The following CFAP44 variants were observed in gnomAD, a reference collection of about 807,000 sequenced individuals.
CFAP44 encodes cilia- and flagella-associated protein 44.
CFAP44 carries 134 observed loss-of-function variants against 216.2 expected under a neutral mutation model. That is an observed-to-expected ratio of 0.62 (90% CI 0.54 to 0.72). The LOEUF is 0.72. Ranked by LOEUF, CFAP44 falls within the 30% of genes least tolerant of loss-of-function variation. The pLI is 0.00. For missense variants in CFAP44, 2,035 were observed against 2,182.1 expected, an observed-to-expected ratio of 0.93 and a Z score of 1.34; for synonymous variants, 700 against 727.6, an observed-to-expected ratio of 0.96 and a Z score of 0.61.
chr3:113,439,661 A>G (rs1935314441), intron 1 of CFAP44, among the ~76,000 whole-genome samples: 1 of 152,210 alleles, frequency 6.6e-6, no homozygotes, highest in Admixed American at 6.5e-5. Flanking sequence ...TTAGGTTGAC[A>G]GGGTCAACTC....
At chr3:113,355,770 A>T (rs1199760585) in intron 22 of CFAP44, among the ~76,000 whole-genome samples, 2 of 123,818 alleles carry the variant, frequency 1.6e-5, no homozygotes, top group African/African-American at 3.3e-5. Flanking sequence ...TTAAAGTATT[A>T]AAAAAAAAAA....
At chr3:113,394,604 A>T (rs1490403628) in intron 15 of CFAP44, among the ~76,000 whole-genome samples, 1 of 152,192 alleles carries the variant, frequency 6.6e-6, no homozygotes, top group Non-Finnish European at 1.5e-5. Flanking sequence ...CTAAATTCAC[A>T]ACACACATTC....
rs1476676480 is a variant in CFAP44 at position 113,379,348 on chromosome 3, G to C, written c.2256C>G (p.Leu752=). ...TCCCTGGCTCTGAGTAAAATCCACA[G>C]AGGATGGGAGAGGGGGTTGACGGAA... ...IFIPSTPSPI[L]CGFYSEPGKF... Residue 752 remains leucine, a synonymous_variant, in exon 17 of 35, where the codon CTC becomes CTG. Transcript: ENST00000393845. The C allele has an allele frequency of 6.2e-7, 1 of 1,609,060 alleles. No homozygotes were observed.
In CFAP44 at chr3:113,286,930, G is replaced by A. The variant is rs1413012245; in HGVS notation, c.*4627C>T. On this transcript the variant is annotated 3_prime_UTR_variant, in exon 35 of 35. Coordinates refer to ENST00000393845, the MANE Select transcript of CFAP44 (RefSeq NM_001164496.2). ...TTAAAAAAAAAAAGAAGAAAAAAGA[G>A]ACAGAGAAAATTGGTATTTATTTTT... 2.9e-6 allele frequency: 4 copies of A among 1,378,362 alleles called. No homozygotes were observed. Among genetic ancestry groups the A allele is most frequent in the Admixed American group, 2.5e-5 (1 of 40,528 alleles). The allele number at this position is 1,378,362 out of a possible 1,614,324, so 85.4% of individuals were successfully genotyped here.
chr3:113,388,789 T>C (rs1481600927), intron 15 of CFAP44, among the ~76,000 whole-genome samples: 1 of 152,220 alleles, frequency 6.6e-6, no homozygotes. Context: ...AAGGTCATTA[T>C]ATAATGATAA....
chr3:113,308,488 G>C (rs1047562925), intron 28 of CFAP44, among the ~76,000 whole-genome samples: 4 of 152,194 alleles, frequency 2.6e-5, no homozygotes, highest in African/African-American at 9.6e-5. Flanking sequence ...AAGTTCCCAA[G>C]CTGCAGATGT....
At chr3:113,311,886 C>T (rs542509727) in intron 28 of CFAP44, among the ~76,000 whole-genome samples, 1 of 152,226 alleles carries the variant, frequency 6.6e-6, no homozygotes, top group Admixed American at 6.5e-5. Context: ...GCAAAGGAGA[C>T]TTTTGTTAGT....
rs1950004732 is a variant in CFAP44, at chr3:113,308,205, TC to T, written c.4579del (p.Glu1527SerfsTer40). The T allele has an allele frequency of 6.5e-7, 1 of 1,536,466 alleles. No homozygotes were observed. Among genetic ancestry groups the T allele is most frequent in the Non-Finnish European group, 8.7e-7 (1 of 1,146,696 alleles). Reference protein sequence around the residue: ...EESSLESDEDESESEDEVFDD... With the variant: ...EESSLESDEDXSESEDEVFDD... ...AAAAACCTCATCTTCTGATTCAGAC[TC>T]ATCTTCATCACTCTCCAAGCTAGAT... On this transcript the variant is annotated frameshift_variant, in exon 29 of 35. Transcript: ENST00000393845. LOFTEE classifies it high-confidence loss of function.
intron 24 of CFAP44, 115 bp from the exon 25 acceptor site, chr3:113,333,698 A>C: frequency 1.7e-6 from 2 of 1,195,698 alleles, no homozygotes; most frequent in South Asian, 2.2e-5. Flanking sequence ...TATGATTTCA[A>C]ATCTGTGATG....
chr3:113,346,315 T>C (rs1950381334), intron 22 of CFAP44, among the ~76,000 whole-genome samples: 1 of 151,612 alleles, frequency 6.6e-6, no homozygotes, highest in Admixed American at 6.6e-5. Context: ...CAGCGCTCTG[T>C]GTCTAGCTAA....
At chr3:113,296,979 G>A (rs1949887924) in intron 32 of CFAP44, 94 bp from the exon 33 acceptor site, 2 of 1,377,922 alleles carry the variant, frequency 1.5e-6, no homozygotes, top group Non-Finnish European at 2.0e-6. Flanking sequence ...AACTGCTTTT[G>A]CAAGATGATG....
intron 18 of CFAP44, among the ~76,000 whole-genome samples, chr3:113,371,902 CA>C (rs1230043861): frequency 2.6e-5 from 4 of 152,068 alleles, no homozygotes; most frequent in African/African-American, 9.7e-5. Flanking sequence ...ATAATCCCAT[CA>C]AAAAGTGGGC....
intron 28 of CFAP44, among the ~76,000 whole-genome samples, chr3:113,308,744 T>C (rs1291631575): frequency 1.3e-5 from 2 of 152,170 alleles, no homozygotes; most frequent in East Asian, 1.9e-4. Flanking sequence ...GCACACACCA[T>C]TATGCCCAGC....
At chr3:113,379,175 A>G in intron 17 of CFAP44, 131 bp downstream of exon 17, 1 of 715,996 alleles carries the variant, frequency 1.4e-6, no homozygotes, top group Non-Finnish European at 2.0e-6. Context: ...ATAGTATTTA[A>G]TAAATGAAAT....
At chr3:113,408,636 G>A (rs934933927) in intron 7 of CFAP44, among the ~76,000 whole-genome samples, 2 of 152,078 alleles carry the variant, frequency 1.3e-5, no homozygotes, top group African/African-American at 2.4e-5. Context: ...AGGCTGAGGC[G>A]GGTGGATCAC....
At chr3:113,333,873 T>C (rs1213272441) in intron 24 of CFAP44, among the ~76,000 whole-genome samples, 1 of 152,222 alleles carries the variant, frequency 6.6e-6, no homozygotes, top group African/African-American at 2.4e-5. Flanking sequence ...GTAATTCATA[T>C]TAACATTGTT....
chr3:113,376,411 T>C (rs975812816), intron 17 of CFAP44, among the ~76,000 whole-genome samples: 3 of 152,188 alleles, frequency 2.0e-5, no homozygotes, highest in Admixed American at 6.5e-5. Flanking sequence ...ATAAGTGATA[T>C]TTAAAGCCAT....
intron 4 of CFAP44, among the ~76,000 whole-genome samples, chr3:113,422,099 T>C (rs988679415): frequency 1.1e-4 from 16 of 152,270 alleles, no homozygotes; most frequent in African/African-American, 3.1e-4. Flanking sequence ...AATATAAATA[T>C]AATAAGCAAG....
intron 25 of CFAP44, among the ~76,000 whole-genome samples, chr3:113,332,643 T>C (rs1401623368): frequency 1.3e-5 from 2 of 152,068 alleles, no homozygotes; most frequent in African/African-American, 4.8e-5. Flanking sequence ...CAAATGGTGA[T>C]TAAGGAATTA....
Sources: gnomAD v4.1 joint callset for allele counts (sites outside exome capture counted in the v4.1 genomes callset) on GRCh38, gnomAD v4.1.1 for gene constraint, MANE v1.5 for transcripts, NCBI Gene and HGNC (gene_info 2026-07-23, HGNC 2026-07-21) for gene names.